Variants in SP140L observed in about 807,000 individuals in gnomAD.
SP140L encodes the protein SP140 like nuclear body protein.
In SP140L, 64 loss-of-function variants were observed where a neutral mutation model predicts 84.3. The ratio of observed to expected loss-of-function variants is 0.76; its 90% CI spans 0.62 to 0.94. The LOEUF (loss-of-function observed/expected upper bound fraction) is 0.94, where lower values mean the gene tolerates loss of function less well. Ranked by LOEUF, SP140L falls within the 40% of genes least tolerant of loss-of-function variation. The pLI is 0.00. For synonymous variants in SP140L, 242 were observed against 236.9 expected, an observed-to-expected ratio of 1.02 and a Z score of -0.20; for missense variants, 628 against 692.5, an observed-to-expected ratio of 0.91 and a Z score of 1.05.
rs573611093 is a variant in SP140L at position 230,366,640 on chromosome 2, A to C, written c.524-4268A>C. On this transcript the variant is annotated intron_variant, in intron 5 of 18. Coordinates refer to ENST00000415673, the MANE Select transcript of SP140L (RefSeq NM_138402.6). ...AACATAACTATTTATACTTAATATA[A>C]TTATTGCTAGGCAAGTACCTACTAC... Among the ~76,000 whole-genome samples, 9 of 150,782 alleles carry C rather than the reference A, an allele frequency of 6.0e-5. No individual in the cohort carries two copies. In the South Asian group the frequency reaches 1.7e-3, roughly 28 times the overall value.
intron 2 of SP140L, among the ~76,000 whole-genome samples, chr2:230,339,117 A>G (rs2059960457): frequency 6.7e-6 from 1 of 148,370 alleles, no homozygotes; most frequent in Admixed American, 6.7e-5. Context: ...CTGTGAATCC[A>G]TCTGGTCCTG....
At chr2:230,337,445 G>T (rs1406346727) in intron 2 of SP140L, among the ~76,000 whole-genome samples, 1 of 151,820 alleles carries the variant, frequency 6.6e-6, no homozygotes, top group Non-Finnish European at 1.5e-5. Flanking sequence ...TTTGTAGGTT[G>T]CCTGTTCACT....
At chr2:230,357,293 G>T (rs942408118) in intron 2 of SP140L, among the ~76,000 whole-genome samples, 1 of 152,106 alleles carries the variant, frequency 6.6e-6, no homozygotes, top group Non-Finnish European at 1.5e-5. Flanking sequence ...AAACCACATT[G>T]TATTATTTAT....
chr2:230,369,984 G>C (rs1314722416), intron 5 of SP140L, among the ~76,000 whole-genome samples: 1 of 148,092 alleles, frequency 6.8e-6, no homozygotes, highest in Admixed American at 6.6e-5. Context: ...CTGTTGGCCA[G>C]GCTGGTCTTG....
Position 230,344,272 on chromosome 2 carries a change from G to A in SP140L, c.108-13533G>A, listed in dbSNP as rs556322913. On this transcript the variant is annotated intron_variant, in intron 2 of 18. Coordinates refer to ENST00000415673, the MANE Select transcript of SP140L (RefSeq NM_138402.6). Reference sequence around the variant, plus strand: ...ATTGAACCCTTTACCATTATGTAATGTTCTCTTTGTCTTTTTAAAATCTTT... The same window carrying A: ...ATTGAACCCTTTACCATTATGTAATATTCTCTTTGTCTTTTTAAAATCTTT... Among the ~76,000 whole-genome samples, 60 of 152,222 alleles carry A rather than the reference G, an allele frequency of 3.9e-4. No homozygotes were observed. The South Asian group carries it at 0.012, about 32-fold the overall frequency.
chr2:230,352,018 G>A (rs1298908823), intron 2 of SP140L, among the ~76,000 whole-genome samples: 1 of 152,090 alleles, frequency 6.6e-6, no homozygotes, highest in Non-Finnish European at 1.5e-5. Context: ...AAAAATTGAT[G>A]TTTTAAAATT....
chr2:230,352,173 A>AT (rs1190359581), intron 2 of SP140L, among the ~76,000 whole-genome samples: 4 of 151,838 alleles, frequency 2.6e-5, no homozygotes, highest in Middle Eastern at 3.4e-3. Flanking sequence ...TAGTCTGAGT[A>AT]TTTTTTTTAA....
intron 7 of SP140L, chr2:230,372,194 T>A (rs529927201): frequency 1.9e-5 from 3 of 155,322 alleles, no homozygotes; most frequent in Admixed American, 1.9e-4. Flanking sequence ...ATTTGTGTTG[T>A]TTTAAACCAC....
chr2:230,329,504 G>A (rs971659162), intron 2 of SP140L, among the ~76,000 whole-genome samples: 2 of 152,160 alleles, frequency 1.3e-5, no homozygotes, highest in African/African-American at 4.8e-5. Flanking sequence ...TAATTTCCAG[G>A]TGTTGAGAGA....
intron 5 of SP140L, among the ~76,000 whole-genome samples, 166 bp from the exon 6 acceptor site, chr2:230,370,742 G>C (rs2061038005): frequency 6.6e-6 from 1 of 152,172 alleles, no homozygotes; most frequent in African/African-American, 2.4e-5. Context: ...GGGAGGAGAA[G>C]TGAAAGAAGA....
At chr2:230,350,194 A>G (rs568082485) in intron 2 of SP140L, among the ~76,000 whole-genome samples, 6 of 152,086 alleles carry the variant, frequency 3.9e-5, no homozygotes, top group Non-Finnish European at 5.9e-5. Context: ...TGCCTTCCCT[A>G]TTATTTATTC....
chr2:230,382,090 T>C (rs1042521208), intron 7 of SP140L, among the ~76,000 whole-genome samples: 10 of 152,212 alleles, frequency 6.6e-5, no homozygotes, highest in South Asian at 2.1e-4. Flanking sequence ...GAGGTGGGCA[T>C]GTGAGGGGAC....
chr2:230,329,375 GT>G (rs1559397569), intron 2 of SP140L, among the ~76,000 whole-genome samples: 1 of 152,102 alleles, frequency 6.6e-6, no homozygotes, highest in East Asian at 1.9e-4. Flanking sequence ...CATCTTTTCA[GT>G]TTTTTACTTT....
intron 7 of SP140L, among the ~76,000 whole-genome samples, chr2:230,378,301 G>A (rs1019663162): frequency 6.6e-6 from 1 of 152,120 alleles, no homozygotes; most frequent in Admixed American, 6.5e-5. Context: ...CGTGCATTTT[G>A]AAGATTCTTC....
rs1270207408 is a variant in SP140L at position 230,403,086 on chromosome 2, A to G, written c.*190A>G. On this transcript the variant is annotated 3_prime_UTR_variant, in exon 19 of 19. Transcript: ENST00000415673. ...CCCATCCCCAAGAATCTCATCAACC[A>G]GGGAAGAGGAACTGAGATCACAGGG... 8.6e-5 allele frequency: 46 copies of G among 536,900 alleles called. No homozygotes were observed. In the East Asian group the frequency reaches 1.5e-3, roughly 18 times the overall value. The allele number at this position is 536,900 out of a possible 1,614,324, so 33.3% of individuals were successfully genotyped here.
At chr2:230,346,471 C>G (rs1009271006) in intron 2 of SP140L, among the ~76,000 whole-genome samples, 1 of 152,104 alleles carries the variant, frequency 6.6e-6, no homozygotes, top group Non-Finnish European at 1.5e-5. Flanking sequence ...AATTGACTTT[C>G]TGCTCATTTT....
At chr2:230,400,691 C>A in intron 15 of SP140L, 1 of 747,592 alleles carries the variant, frequency 1.3e-6, no homozygotes, top group Non-Finnish European at 2.1e-6. Context: ...CCTTGTGCTC[C>A]CAGCAGCTCA....
chr2:230,347,820 C>T (rs957734855), intron 2 of SP140L, among the ~76,000 whole-genome samples: 2 of 152,198 alleles, frequency 1.3e-5, no homozygotes, highest in African/African-American at 2.4e-5. Flanking sequence ...TGACTATGCT[C>T]CCTGGCCAAA....
chr2:230,389,811 G>T, intron 10 of SP140L, 108 bp from the exon 11 acceptor site: 1 of 1,064,824 alleles, frequency 9.4e-7, no homozygotes, highest in Non-Finnish European at 1.4e-6. Flanking sequence ...GAGATTTATG[G>T]AATAGAATTT....
Sources: allele counts gnomAD v4.1 joint callset (sites outside exome capture counted in the v4.1 genomes callset), GRCh38; gene constraint gnomAD v4.1.1; transcripts MANE v1.5; gene names NCBI Gene and HGNC (gene_info 2026-07-23, HGNC 2026-07-21).